OLFM3: variants seen among roughly 807,000 people sequenced by gnomAD.
The protein encoded by OLFM3 is noelin-3.
Under a neutral mutation model 48.6 loss-of-function variants are expected in OLFM3, and 20 were observed. The ratio of observed to expected loss-of-function variants is 0.41; its 90% CI spans 0.29 to 0.60. OLFM3 has a LOEUF of 0.60. OLFM3 is among the 20% of genes least tolerant of loss of function. The pLI is 0.28. For missense variants in OLFM3, 437 were observed against 544.3 expected (o/e 0.80, Z 1.96); for synonymous variants, 222 against 198.1 (o/e 1.12, Z -1.01).
chr1:101,996,842 T>C lies in OLFM3; in HGVS notation c.-26A>G, dbSNP rs749729044. ...TCTGATCTGGGTTTTTGCCCCTCTT[T>C]ACTCTCTTTTATGTAGGCTCTCCAC... On this transcript the variant is annotated 5_prime_UTR_variant, in exon 1 of 6. Coordinates refer to ENST00000370103, the MANE Select transcript of OLFM3 (RefSeq NM_058170.4). 1 of 1,613,094 alleles carries C rather than the reference T, an allele frequency of 6.2e-7. No individual in the cohort carries two copies. Among genetic ancestry groups the C allele is most frequent in the Non-Finnish European group, 8.5e-7 (1 of 1,179,072 alleles).
chr1:101,907,941 T>C lies in OLFM3; in HGVS notation c.70-70916A>G, dbSNP rs563039592. On this transcript the variant is annotated intron_variant, in intron 1 of 5. Coordinates refer to ENST00000370103, the MANE Select transcript of OLFM3 (RefSeq NM_058170.4). ...TAGCCTCTACTCACGTATTATTATCTATATGCATCCCCAAAATATGTTAAT... is the reference window on the plus strand; with the variant it reads ...TAGCCTCTACTCACGTATTATTATCCATATGCATCCCCAAAATATGTTAAT... Among the ~76,000 whole-genome samples, 45 of 152,384 alleles carry C rather than the reference T, an allele frequency of 3.0e-4. 1 individual carries two copies. Among genetic ancestry groups the C allele is most frequent in the Admixed American group, 9.1e-4 (14 of 15,306 alleles).
At position 101,804,170 on chromosome 1, in the gene OLFM3, C is replaced by T. The variant is rs566284191; in HGVS notation, c.*68G>A. 1.8e-5 allele frequency: 22 copies of T among 1,197,720 alleles called. No individual in the cohort carries two copies. The highest frequency in any genetic ancestry group is 1.1e-4 in the South Asian group (6 of 56,064). The allele number at this position is 1,197,720 out of a possible 1,614,324, so 74.2% of individuals were successfully genotyped here. On this transcript the variant is annotated 3_prime_UTR_variant, in exon 6 of 6. Coordinates refer to ENST00000370103, the MANE Select transcript of OLFM3 (RefSeq NM_058170.4). The surrounding 1 kb of genome is among the most constrained non-coding windows in gnomAD (Gnocchi z 4.5). The stretch of plus-strand genomic sequence containing the variant: ...TGAAAAATAATAGTGAAGAAAAAAA[C>T]GGAAGGGGTCTTATAGAGTTTATCA...
At position 101,825,119 on chromosome 1, in the gene OLFM3, T is replaced by C. The variant is rs1337425393; in HGVS notation, c.499A>G (p.Ile167Val). ...IRNLSAVLTG[I>V]QEEIGAYDYE... ...TCATAGGCACCAATTTCCTCCTGAATACCAGTGAGGACAGCAGACAGATTC... is the reference window on the plus strand; with the variant it reads ...TCATAGGCACCAATTTCCTCCTGAACACCAGTGAGGACAGCAGACAGATTC... The change falls in exon 4 of 6, where the codon ATT (isoleucine) becomes GTT (valine). Residue 167 changes from isoleucine to valine, a missense_variant. Ile to Val is a conservative substitution (Grantham distance 29, BLOSUM62 3). Coordinates refer to ENST00000370103, the MANE Select transcript of OLFM3 (RefSeq NM_058170.4). The C allele has an allele frequency of 1.2e-6, 2 of 1,614,104 alleles. No individual in the cohort carries two copies. Among genetic ancestry groups the C allele is most frequent in the Non-Finnish European group, 1.7e-6 (2 of 1,179,974 alleles).
chr1:101,855,895 T>A (rs1252426555), intron 1 of OLFM3, among the ~76,000 whole-genome samples: 1 of 152,006 alleles, frequency 6.6e-6, no homozygotes, highest in Non-Finnish European at 1.5e-5. Flanking sequence ...CAAAATTGGA[T>A]CTTCAAATGT....
intron 1 of OLFM3, among the ~76,000 whole-genome samples, chr1:101,840,873 G>A (rs1346920086): frequency 1.3e-5 from 2 of 152,092 alleles, no homozygotes; most frequent in Non-Finnish European, 2.9e-5. Flanking sequence ...ATAGTTTAGT[G>A]GTACCCAAAG....
intron 1 of OLFM3, among the ~76,000 whole-genome samples, chr1:101,898,970 C>A (rs1178183258): frequency 6.6e-6 from 1 of 152,118 alleles, no homozygotes; most frequent in East Asian, 1.9e-4. Flanking sequence ...ATGCAGTACA[C>A]AGAAAAAAAG....
chr1:101,826,079 A>C (rs895847009), intron 3 of OLFM3, among the ~76,000 whole-genome samples: 1 of 151,820 alleles, frequency 6.6e-6, no homozygotes. Context: ...TATGTAATAG[A>C]TGAGCCAGTT....
intron 4 of OLFM3, among the ~76,000 whole-genome samples, chr1:101,821,926 CA>C (rs1654623874): frequency 1.3e-5 from 2 of 151,992 alleles, no homozygotes; most frequent in South Asian, 4.1e-4. Flanking sequence ...GTTTATTTGA[CA>C]ATCAAATTCT....
chr1:101,951,489 T>C (rs916559452), intron 1 of OLFM3, among the ~76,000 whole-genome samples: 2 of 152,146 alleles, frequency 1.3e-5, no homozygotes, highest in Admixed American at 1.3e-4. Context: ...ATCATCGGAA[T>C]GATCAGATGT....
chr1:101,980,037 A>G (rs1001270655), intron 1 of OLFM3, among the ~76,000 whole-genome samples: 6 of 152,184 alleles, frequency 3.9e-5, no homozygotes, highest in African/African-American at 1.4e-4. Context: ...AGAGTTGGGT[A>G]GGGCCTGTAG....
chr1:101,833,602 G>A (rs75227728), intron 2 of OLFM3, among the ~76,000 whole-genome samples: 2 of 152,050 alleles, frequency 1.3e-5, no homozygotes, highest in East Asian at 1.9e-4. Context: ...GCTCATTGTC[G>A]CCCTTCCTGG....
chr1:101,808,329 T>A (rs1219777944), intron 4 of OLFM3, among the ~76,000 whole-genome samples: 1 of 151,282 alleles, frequency 6.6e-6, no homozygotes, highest in Non-Finnish European at 1.5e-5. Flanking sequence ...TTTTAACCAA[T>A]TTCCAGAAGG....
At position 101,878,060 on chromosome 1, in the gene OLFM3, G is replaced by A. The variant is rs560289200; in HGVS notation, c.70-41035C>T. ...TGGGGATTTAAGTGCCTTCTCACCCGCATGTCCTAGAGAAGATACACCTGG... is the reference window on the plus strand; with the variant it reads ...TGGGGATTTAAGTGCCTTCTCACCCACATGTCCTAGAGAAGATACACCTGG... On this transcript the variant is annotated intron_variant, in intron 1 of 5. Coordinates refer to ENST00000370103, the MANE Select transcript of OLFM3 (RefSeq NM_058170.4). 4.0e-5 allele frequency among the ~76,000 whole-genome samples: 6 copies of A among 151,652 alleles called. No homozygotes were observed. In the East Asian group the frequency reaches 5.9e-4, roughly 15 times the overall value.
chr1:101,945,697 T>C (rs1333469455), intron 1 of OLFM3, among the ~76,000 whole-genome samples: 5 of 152,042 alleles, frequency 3.3e-5, no homozygotes, highest in East Asian at 1.9e-4. Context: ...CCTATAATCA[T>C]AGCACTTTGA....
rs139140816 is a variant in OLFM3 at position 101,867,426 on chromosome 1, T to C, written c.70-30401A>G. 9.6e-4 allele frequency among the ~76,000 whole-genome samples: 146 copies of C among 152,338 alleles called. 1 individual carries two copies. Among genetic ancestry groups the C allele is most frequent in the African/African-American group, 3.1e-3 (130 of 41,576 alleles). On this transcript the variant is annotated intron_variant, in intron 1 of 5. Coordinates refer to ENST00000370103, the MANE Select transcript of OLFM3 (RefSeq NM_058170.4). ...CTTAATATGGAGAACTCCTGAAGGATTGTTACCTTCCTTGTCAGCCACACA... is the reference window on the plus strand; with the variant it reads ...CTTAATATGGAGAACTCCTGAAGGACTGTTACCTTCCTTGTCAGCCACACA...
chr1:101,911,656 A>G (rs1384624503), intron 1 of OLFM3, among the ~76,000 whole-genome samples: 3 of 152,214 alleles, frequency 2.0e-5, no homozygotes, highest in Non-Finnish European at 4.4e-5. Context: ...CTTTACACAT[A>G]CAGTTAATGT....
chr1:101,847,388 A>G (rs1271848809), intron 1 of OLFM3, among the ~76,000 whole-genome samples: 1 of 152,034 alleles, frequency 6.6e-6, no homozygotes, highest in Non-Finnish European at 1.5e-5. Context: ...CTTTAAATGG[A>G]GGTCTGCCAA....
intron 4 of OLFM3, among the ~76,000 whole-genome samples, chr1:101,816,195 G>A (rs1485291294): frequency 6.6e-6 from 1 of 152,088 alleles, no homozygotes; most frequent in African/African-American, 2.4e-5. Context: ...AAAATGAATC[G>A]AAGTTGGTTT....
At position 101,836,877 on chromosome 1, in the gene OLFM3, A is replaced by G. The variant is rs1655441764; in HGVS notation, c.216+2T>C. 6.2e-7 allele frequency: 1 copy of G among 1,613,962 alleles called. No homozygotes were observed. The highest frequency in any genetic ancestry group is 8.5e-7 in the Non-Finnish European group (1 of 1,179,952). On this transcript the variant is annotated splice_donor_variant, in intron 2 of 5. Transcript: ENST00000370103. LOFTEE classifies it high-confidence loss of function. ...TATGCATAGGGGACACAGGACACCT[A>G]CCTTTTCCAGTAGTTGGCGAAGTTG...
Sources: allele counts gnomAD v4.1 joint callset (sites outside exome capture counted in the v4.1 genomes callset), GRCh38; gene constraint gnomAD v4.1.1; non-coding constraint Gnocchi (gnomAD v3.1); transcripts MANE v1.5; gene names NCBI Gene and HGNC (gene_info 2026-07-23, HGNC 2026-07-21).